Variants in ABHD2 observed in about 807,000 individuals in gnomAD.
ABHD2 encodes the protein abhydrolase domain containing 2, acylglycerol lipase.
Under a neutral mutation model 48.1 loss-of-function variants are expected in ABHD2, and 20 were observed. The ratio of observed to expected loss-of-function variants is 0.42; its 90% CI spans 0.29 to 0.60. The LOEUF is 0.60. Ranked by LOEUF, ABHD2 falls within the 20% of genes least tolerant of loss-of-function variation. The pLI, the probability that ABHD2 is intolerant of heterozygous loss-of-function variation, is 0.24. For synonymous variants in ABHD2, 209 were observed against 214.2 expected, an observed-to-expected ratio of 0.98 and a Z score of 0.21; for missense variants, 405 against 550.9, an observed-to-expected ratio of 0.74 and a Z score of 2.65.
Position 89,120,001 on chromosome 15 carries a change from C to T in ABHD2, c.194+3480C>T, listed in dbSNP as rs949857074. Among the ~76,000 whole-genome samples the T allele has an allele frequency of 3.9e-5, 6 of 152,160 alleles. No homozygotes were observed. The highest frequency in any genetic ancestry group is 7.3e-5 in the Non-Finnish European group (5 of 68,032). ...TTTACAACAAGCTGTGAATATTAGTCAGTAATCCTGACCGCGGGTAGCTGG... is the reference window on the plus strand; with the variant it reads ...TTTACAACAAGCTGTGAATATTAGTTAGTAATCCTGACCGCGGGTAGCTGG... On this transcript the variant is annotated intron_variant, in intron 3 of 10. Coordinates refer to ENST00000352732, the MANE Select transcript of ABHD2 (RefSeq NM_152924.5). The surrounding 1 kb of genome is among the most constrained non-coding windows in gnomAD (Gnocchi z 4.2).
intron 3 of ABHD2, among the ~76,000 whole-genome samples, chr15:89,129,124 G>A (rs2050180352): frequency 6.6e-6 from 1 of 152,144 alleles, no homozygotes; most frequent in African/African-American, 2.4e-5. Context: ...ACAGGGTTAT[G>A]TGCAATTATG....
chr15:89,195,723 T>G lies in ABHD2; in HGVS notation c.*300T>G, dbSNP rs2051390815. On this transcript the variant is annotated 3_prime_UTR_variant, in exon 11 of 11. Transcript: ENST00000352732. The surrounding 1 kb of genome is among the most constrained non-coding windows in gnomAD (Gnocchi z 5.1). Reference sequence around the variant, plus strand: ...GCTTTTAAGCCAAGTACATCTAGTTTCCCTATTAAAAATGTGTCTGAATAG... The same window carrying G: ...GCTTTTAAGCCAAGTACATCTAGTTGCCCTATTAAAAATGTGTCTGAATAG... 8 of 323,118 alleles carry G rather than the reference T, an allele frequency of 2.5e-5. No individual in the cohort carries two copies. The highest frequency in any genetic ancestry group is 9.0e-4 in the Middle Eastern group (1 of 1,114). The allele number at this position is 323,118 out of a possible 1,614,324, so 20.0% of individuals were successfully genotyped here.
At chr15:89,082,388 T>G in the ABHD2 span, 7 of 152,210 alleles carry the variant, frequency 4.6e-5, no homozygotes, top group African/African-American at 1.7e-4. This position sits in a 1 kb window ranked among gnomAD's most constrained non-coding sequence, Gnocchi z 4.4. Flanking sequence ...AGGCATTATC[T>G]GGCCTCCACC....
intron 1 of ABHD2, among the ~76,000 whole-genome samples, chr15:89,110,675 A>T (rs9672396): frequency 6.6e-6 from 1 of 152,218 alleles, no homozygotes. Flanking sequence ...CCCCAGGGAC[A>T]TGCAGAACTG....
intron 3 of ABHD2, among the ~76,000 whole-genome samples, chr15:89,118,702 CA>C (rs2050000987): frequency 6.6e-6 from 1 of 152,150 alleles, no homozygotes; most frequent in South Asian, 2.1e-4. Context: ...GGAAGCCATG[CA>C]AAAGCTGCTA....
At chr15:89,066,575 C>T in the ABHD2 span, among the ~76,000 whole-genome samples, 1 of 152,146 alleles carries the variant, frequency 6.6e-6, no homozygotes, top group African/African-American at 2.4e-5. Flanking sequence ...CACAATTCAA[C>T]CCAATACCTT....
In ABHD2 at chr15:89,184,760, ACAGCCACACACTAGTGTGC is replaced by A. The variant is rs1472184327; in HGVS notation, c.723-660_723-642del. Among the ~76,000 whole-genome samples the A allele has an allele frequency of 6.6e-6, 1 of 152,188 alleles. No individual in the cohort carries two copies. ...ATTGAAGGGTCAGAGTGTGGCCCTC[ACAGCCACACACTAGTGTGC>A]CAGTCACACACTAGCCCTAGAGGCA... On this transcript the variant is annotated intron_variant, in intron 6 of 10. Transcript: ENST00000352732. The surrounding 1 kb of genome is among the most constrained non-coding windows in gnomAD (Gnocchi z 5.1).
chr15:89,109,591 G>A (rs1392113594), intron 1 of ABHD2, among the ~76,000 whole-genome samples: 1 of 152,028 alleles, frequency 6.6e-6, no homozygotes, highest in African/African-American at 2.4e-5. Flanking sequence ...CACCTGTCTG[G>A]AAAGTGGGGA....
At chr15:89,044,594 T>G in the ABHD2 span, among the ~76,000 whole-genome samples, 1 of 151,658 alleles carries the variant, frequency 6.6e-6, no homozygotes, top group Non-Finnish European at 1.5e-5. Flanking sequence ...ATGATTGCCA[T>G]TCTAACTGGT....
intron 1 of ABHD2, among the ~76,000 whole-genome samples, chr15:89,113,135 T>G (rs1429406058): frequency 6.6e-6 from 1 of 152,220 alleles, no homozygotes; most frequent in African/African-American, 2.4e-5. Context: ...GCAAGCACTT[T>G]TAGCTTCTGG....
rs963837574 is a variant in ABHD2, at chr15:89,097,709, A to G, written c.-107+9146A>G. Among the ~76,000 whole-genome samples the G allele has an allele frequency of 6.6e-6, 1 of 152,194 alleles. No homozygotes were observed. The highest frequency in any genetic ancestry group is 1.5e-5 in the Non-Finnish European group (1 of 68,040). On this transcript the variant is annotated intron_variant, in intron 1 of 10. Coordinates refer to ENST00000352732, the MANE Select transcript of ABHD2 (RefSeq NM_152924.5). This position sits in a 1 kb window ranked among gnomAD's most constrained non-coding sequence, Gnocchi z 4.2. ...AGTAAAGAGTGGAAAACTTCCTCCC[A>G]AGAAGCACTCAATGTTACTAGTATC... is the stretch of plus-strand genomic sequence containing the variant.
At chr15:89,183,056 G>A (rs8035052) in intron 6 of ABHD2, among the ~76,000 whole-genome samples, 9,069 of 152,042 alleles carry the variant, frequency 0.06, 920 homozygotes, top group African/African-American at 0.2. Context: ...AGTTCACTAG[G>A]TAGCTCTAAA....
In ABHD2 at chr15:89,137,734, C is replaced by T. The variant is rs1284673809; in HGVS notation, c.195-13943C>T. The stretch of plus-strand genomic sequence containing the variant: ...ATTTGCCTCCAGTGAGGGGAAAATG[C>T]TGTGTTCAAAGTGGATTTCTGATGA... On this transcript the variant is annotated intron_variant, in intron 3 of 10. Coordinates refer to ENST00000352732, the MANE Select transcript of ABHD2 (RefSeq NM_152924.5). This position sits in a 1 kb window ranked among gnomAD's most constrained non-coding sequence, Gnocchi z 4.8. Among the ~76,000 whole-genome samples the T allele has an allele frequency of 6.6e-6, 1 of 152,208 alleles. No homozygotes were observed. The highest frequency in any genetic ancestry group is 1.9e-4 in the East Asian group (1 of 5,198).
chr15:89,044,378 C>G, the ABHD2 span, among the ~76,000 whole-genome samples: 1 of 152,110 alleles, frequency 6.6e-6, no homozygotes, highest in African/African-American at 2.4e-5. Flanking sequence ...GTGCATGTGT[C>G]TTTATAGCAG....
At chr15:89,053,835 C>G in the ABHD2 span, among the ~76,000 whole-genome samples, 1 of 152,168 alleles carries the variant, frequency 6.6e-6, no homozygotes, top group Non-Finnish European at 1.5e-5. Context: ...TTGCTTCTAG[C>G]GGCTGCCAAG....
chr15:89,081,979 T>G, the ABHD2 span, among the ~76,000 whole-genome samples: 2 of 152,212 alleles, frequency 1.3e-5, no homozygotes, highest in Non-Finnish European at 2.9e-5. Flanking sequence ...ACAAGGTTTC[T>G]CAACCTCAGC....
At position 89,185,162 on chromosome 15, in the gene ABHD2, CG is replaced by C. The variant is rs921001652; in HGVS notation, c.723-257del. ...AGGTCCAGGTGCTAGAAGAGAGTGT[CG>C]GGGGTGCCACCAACAAAGCCTCTGG... On this transcript the variant is annotated intron_variant, in intron 6 of 10. Transcript: ENST00000352732. The surrounding 1 kb of genome is among the most constrained non-coding windows in gnomAD (Gnocchi z 5.9). 2.0e-5 allele frequency among the ~76,000 whole-genome samples: 3 copies of C among 152,168 alleles called. No individual in the cohort carries two copies. The highest frequency in any genetic ancestry group is 1.3e-4 in the Admixed American group (2 of 15,280).
At chr15:89,138,622 A>G (rs2050353314) in intron 3 of ABHD2, among the ~76,000 whole-genome samples, 1 of 152,250 alleles carries the variant, frequency 6.6e-6, no homozygotes, top group Non-Finnish European at 1.5e-5. Flanking sequence ...AAAACGAAAG[A>G]AATGTTTTTT....
chr15:89,138,428 C>G (rs995979692), intron 3 of ABHD2, among the ~76,000 whole-genome samples: 25 of 152,214 alleles, frequency 1.6e-4, no homozygotes, highest in African/African-American at 6.0e-4. Flanking sequence ...TCCATCCTCT[C>G]TTGCTCTCAC....
Sources: gnomAD v4.1 joint callset for allele counts (sites outside exome capture counted in the v4.1 genomes callset) on GRCh38, gnomAD v4.1.1 for gene constraint, Gnocchi (gnomAD v3.1) non-coding constraint, MANE v1.5 for transcripts, NCBI Gene and HGNC (gene_info 2026-07-23, HGNC 2026-07-21) for gene names.